ZNF562: variants seen among roughly 807,000 people sequenced by gnomAD.
ZNF562 encodes the protein zinc finger protein 562.
A neutral mutation model predicts 17.5 loss-of-function variants in ZNF562; 13 were observed. The ratio of observed to expected loss-of-function variants is 0.74; its 90% confidence interval spans 0.48 to 1.18. The LOEUF (loss-of-function observed/expected upper bound fraction) is 1.18. Among genes scored for constraint, ZNF562 ranks in the 50% most tolerant of loss-of-function variants. The probability of loss-of-function intolerance (pLI) is 0.00; values close to 1 mark genes in which losing one functional copy is unlikely to be tolerated. For missense variants in ZNF562, 481 were observed against 498.5 expected (o/e 0.96, Z 0.33); for synonymous variants, 163 against 165.4 (o/e 0.99, Z 0.11).
chr19:9,674,060 G>A (rs1286647308), intron 1 of ZNF562, among the ~76,000 whole-genome samples: 1 of 152,232 alleles, frequency 6.6e-6, no homozygotes, highest in African/African-American at 2.4e-5. Flanking sequence ...ACAAGGGAGG[G>A]GAAGGGGTTC....
At chr19:9,659,268 A>G in intron 3 of ZNF562, 111 bp downstream of exon 3, 1 of 958,646 alleles carries the variant, frequency 1.0e-6, no homozygotes, top group South Asian at 1.6e-5. Flanking sequence ...TCCTTGAGTA[A>G]GGCTTCATTT....
chr19:9,649,018 C>T lies in ZNF562; in HGVS notation c.*3931G>A, dbSNP rs983244465. 8 of 152,178 alleles carry T rather than the reference C, an allele frequency of 5.3e-5. No homozygotes were observed. The highest frequency in any genetic ancestry group is 1.9e-4 in the African/African-American group (8 of 41,412). 9.4% of individuals were successfully genotyped at this position (152,178 alleles called of 1,614,324 possible). A position where few individuals can be genotyped will look rare whatever the true frequency, so the allele number is the denominator to read the frequency against. On this transcript the variant is annotated 3_prime_UTR_variant, in exon 6 of 6. Coordinates refer to ENST00000453372, the MANE Select transcript of ZNF562 (RefSeq NM_001130031.2). ...ACATTGTTGCAGGAAGTCAGGGACC[C>T]CAAACGGGGGGACTGGCTGAAGCCA...
intron 1 of ZNF562, among the ~76,000 whole-genome samples, chr19:9,666,047 G>A (rs1414135673): frequency 1.3e-5 from 2 of 151,326 alleles, no homozygotes; most frequent in African/African-American, 4.9e-5. Context: ...TTAAGAGGCT[G>A]GTTGCTATGG....
chr19:9,642,928 G>C lies in ZNF562; in HGVS notation c.*10021C>G, dbSNP rs2074782054. 6.6e-6 allele frequency: 1 copy of C among 151,646 alleles called. No homozygotes were observed. Among genetic ancestry groups the C allele is most frequent in the Non-Finnish European group, 1.5e-5 (1 of 68,052 alleles). The allele number at this position is 151,646 out of a possible 1,614,324, so 9.4% of individuals were successfully genotyped here. A position where few individuals can be genotyped will look rare whatever the true frequency, so the allele number is the denominator to read the frequency against. On this transcript the variant is annotated 3_prime_UTR_variant, in exon 6 of 6. Transcript: ENST00000453372. ...CTGGTGGTACATGCCTGCATTCCCA[G>C]CTACTCAGAAGGCTGAGGTGAGAGG...
At chr19:9,660,213 A>T (rs1487698580) in intron 2 of ZNF562, among the ~76,000 whole-genome samples, 9 of 151,908 alleles carry the variant, frequency 5.9e-5, no homozygotes, top group Admixed American at 2.6e-4. Context: ...CAGTGAGCCA[A>T]GGTTACACCA....
chr19:9,657,894 T>C (rs1393793762), intron 4 of ZNF562, 115 bp downstream of exon 4: 3 of 1,336,028 alleles, frequency 2.2e-6, no homozygotes, highest in Non-Finnish European at 3.0e-6. Context: ...TTTCACAATG[T>C]TGCCCATGCT....
chr19:9,668,157 C>A (rs1425406708), intron 1 of ZNF562, among the ~76,000 whole-genome samples: 4 of 152,074 alleles, frequency 2.6e-5, no homozygotes, highest in African/African-American at 9.7e-5. Context: ...GGAAGGATTG[C>A]TTAAGCCCAA....
At chr19:9,657,731 TAG>T (rs933114523) in intron 4 of ZNF562, among the ~76,000 whole-genome samples, 3 of 151,580 alleles carry the variant, frequency 2.0e-5, no homozygotes, top group Admixed American at 6.6e-5. Context: ...GCATTTTTAG[TAG>T]AGACAGGGTT....
intron 1 of ZNF562, among the ~76,000 whole-genome samples, chr19:9,667,985 C>T (rs534319229): frequency 1.3e-5 from 2 of 152,096 alleles, no homozygotes; most frequent in South Asian, 2.1e-4. Context: ...GACACAAAAT[C>T]AACATACAAA....
chr19:9,653,054 T>A lies in ZNF562; in HGVS notation c.1176A>T (p.Arg392Ser). The A allele has an allele frequency of 1.2e-6, 2 of 1,600,220 alleles. No individual in the cohort carries two copies. Among genetic ancestry groups the A allele is most frequent in the Non-Finnish European group, 1.7e-6 (2 of 1,173,208 alleles). The change falls in exon 6 of 6, where the codon AGA becomes AGT. Residue 392 changes from arginine to serine, a missense_variant. Physicochemically the swap from Arg to Ser is moderately radical, Grantham distance 110 (BLOSUM62 -1). This residue lies in a region of ZNF562 where 78 missense variants were observed against 112.0 expected (regional missense o/e 0.70). Transcript: ENST00000453372. ...NRSSTLTQHR[R>S]IHTGEKPYEC... ...CATAAGGCTTCTCTCCTGTGTGAAT[T>A]CTTCTATGTTGAGTAAGCGTTGAAG...
Position 9,649,852 on chromosome 19 carries a change from C to A in ZNF562, c.*3097G>T, listed in dbSNP as rs987659326. ...CCCACACCTATTTGCACACTCCCTC[C>A]CCTTTTGAAAATCCCTAATAAAAAC... On this transcript the variant is annotated 3_prime_UTR_variant, in exon 6 of 6. Transcript: ENST00000453372. 6.6e-6 allele frequency: 1 copy of A among 152,130 alleles called. No homozygotes were observed. Among genetic ancestry groups the A allele is most frequent in the Non-Finnish European group, 1.5e-5 (1 of 68,040 alleles). 9.4% of individuals were successfully genotyped at this position (152,130 alleles called of 1,614,324 possible).
In ZNF562 at chr19:9,650,054, C is replaced by T. The variant is rs144355211; in HGVS notation, c.*2895G>A. Reference sequence around the variant, plus strand: ...GTGAATATCGGGGCTGGTTCCCTGACAGGACATAACCTCTTCAAAAAATAA... The same window carrying T: ...GTGAATATCGGGGCTGGTTCCCTGATAGGACATAACCTCTTCAAAAAATAA... On this transcript the variant is annotated 3_prime_UTR_variant, in exon 6 of 6. Coordinates refer to ENST00000453372, the MANE Select transcript of ZNF562 (RefSeq NM_001130031.2). The T allele has an allele frequency of 1.3e-5, 2 of 152,204 alleles. No individual in the cohort carries two copies. The highest frequency in any genetic ancestry group is 4.8e-5 in the African/African-American group (2 of 41,534). The allele number at this position is 152,204 out of a possible 1,614,324, so 9.4% of individuals were successfully genotyped here. A position where few individuals can be genotyped will look rare whatever the true frequency, so the allele number is the denominator to read the frequency against.
chr19:9,673,826 T>C (rs1390118928), intron 1 of ZNF562, among the ~76,000 whole-genome samples: 1 of 151,848 alleles, frequency 6.6e-6, no homozygotes, highest in Non-Finnish European at 1.5e-5. Flanking sequence ...GCCAACATGG[T>C]GAAACCCCAT....
rs1274803491 is a variant in ZNF562, at chr19:9,658,096, G to A, written c.154C>T (p.Pro52Ser). Reference sequence around the variant, plus strand: ...GTGTCCAGTAAAGCCCACTCCTCTGGGGTGAACTCCACAGCCACATCATCA... The same window carrying A: ...GTGTCCAGTAAAGCCCACTCCTCTGAGGTGAACTCCACAGCCACATCATCA... ...TFDDVAVEFT[P>S]EEWALLDTTQ... The change falls in exon 4 of 6, where the codon CCA becomes TCA. Residue 52 changes from proline to serine, a missense_variant. This residue lies in a region of ZNF562 where 403 missense variants were observed against 386.4 expected (regional missense o/e 1.04). Coordinates refer to ENST00000453372, the MANE Select transcript of ZNF562 (RefSeq NM_001130031.2). 2 of 1,613,812 alleles carry A rather than the reference G, an allele frequency of 1.2e-6. No homozygotes were observed. The highest frequency in any genetic ancestry group is 8.5e-7 in the Non-Finnish European group (1 of 1,179,876).
At position 9,650,284 on chromosome 19, in the gene ZNF562, A is replaced by G. The variant is rs2074848620; in HGVS notation, c.*2665T>C. Reference sequence around the variant, plus strand: ...CATTGTTCAGTCCAAAGTACTTAATATGATTCTTTTCTCTTTCCACATAGA... The same window carrying G: ...CATTGTTCAGTCCAAAGTACTTAATGTGATTCTTTTCTCTTTCCACATAGA... On this transcript the variant is annotated 3_prime_UTR_variant, in exon 6 of 6. Transcript: ENST00000453372. 6.6e-6 allele frequency: 1 copy of G among 151,986 alleles called. No individual in the cohort carries two copies. The highest frequency in any genetic ancestry group is 2.1e-4 in the South Asian group (1 of 4,820). 9.4% of individuals were successfully genotyped at this position (151,986 alleles called of 1,614,324 possible).
At chr19:9,655,713 CTTTCTTTTTTTTTTTTTTTTTT>C (rs2043446082) in intron 5 of ZNF562, among the ~76,000 whole-genome samples, 1 of 54,552 alleles carries the variant, frequency 1.8e-5, no homozygotes, top group African/African-American at 6.8e-5. Context: ...ACTTTCTTTT[CTTTCTTTTTTTTTTTTTTTTTT>C]TTTTTTTTTT....
rs1255659628 is a variant in ZNF562, at chr19:9,661,304, C to T, written c.-130-430G>A. On this transcript the variant is annotated intron_variant, in intron 1 of 5. Transcript: ENST00000453372. ...AGCTGGGACCACAGGTGTGCATCGT[C>T]AAGCCTTATTATTATATTATTATTA... 3.3e-5 allele frequency among the ~76,000 whole-genome samples: 5 copies of T among 151,972 alleles called. No homozygotes were observed. In the East Asian group the frequency reaches 9.7e-4, roughly 29 times the overall value.
chr19:9,671,839 G>T (rs34248323), intron 1 of ZNF562, among the ~76,000 whole-genome samples: 5,173 of 152,310 alleles, frequency 0.034, 152 homozygotes, highest in Non-Finnish European at 0.053. Context: ...GAAACAGGTT[G>T]TGGTTTGCCA....
At chr19:9,655,345 G>C in intron 5 of ZNF562, among the ~76,000 whole-genome samples, 1 of 152,086 alleles carries the variant, frequency 6.6e-6, no homozygotes, top group Non-Finnish European at 1.5e-5. Flanking sequence ...ACATATGTGG[G>C]AATATGTACT....
Sources: gnomAD v4.1 joint callset for allele counts (sites outside exome capture counted in the v4.1 genomes callset) on GRCh38, gnomAD v4.1.1 for gene constraint, gnomAD v4.1.1 regional missense constraint, MANE v1.5 for transcripts, NCBI Gene and HGNC (gene_info 2026-07-23, HGNC 2026-07-21) for gene names.